The following VPS13B variants were observed in gnomAD, a reference collection of about 807,000 sequenced individuals.
VPS13B encodes vacuolar protein sorting 13 homolog B, also known as intermembrane lipid transfer protein VPS13B.
In VPS13B, 285 loss-of-function variants were observed where a neutral mutation model predicts 426.4. That is an observed-to-expected ratio of 0.67 (90% confidence interval 0.61 to 0.74). The LOEUF is 0.74. VPS13B is among the 30% of genes least tolerant of loss of function. VPS13B has a pLI of 0.00. For synonymous variants in VPS13B, 1,676 were observed against 1,676.4 expected, an observed-to-expected ratio of 1.00 and a Z score of 0.01; for missense variants, 4,537 against 4,782.6, an observed-to-expected ratio of 0.95 and a Z score of 1.51.
At chr8:99,016,540 C>G (rs572121638) in intron 2 of VPS13B, among the ~76,000 whole-genome samples, 81 of 120,668 alleles carry the variant, frequency 6.7e-4, no homozygotes, top group African/African-American at 2.4e-3. Context: ...AGTCTTTTTT[C>G]CTTTTTTAAA....
chr8:99,134,260 C>G (rs1159726525), intron 8 of VPS13B, among the ~76,000 whole-genome samples: 1 of 152,066 alleles, frequency 6.6e-6, no homozygotes, highest in Non-Finnish European at 1.5e-5. Context: ...ATGACTGAAA[C>G]TACACGTTGT....
intron 35 of VPS13B, among the ~76,000 whole-genome samples, chr8:99,665,892 CTATAAAT>C (rs1324257818): frequency 3.3e-5 from 5 of 152,120 alleles, no homozygotes; most frequent in African/African-American, 1.2e-4. Flanking sequence ...GGCATTAAAT[CTATAAAT>C]TACCTTGGGC....
intron 24 of VPS13B, among the ~76,000 whole-genome samples, chr8:99,476,588 A>G (rs1458698962): frequency 6.6e-6 from 1 of 152,168 alleles, no homozygotes; most frequent in Non-Finnish European, 1.5e-5. Flanking sequence ...AAATACATGT[A>G]TGATACCTTA....
chr8:99,458,091 C>T (rs1024352633), intron 23 of VPS13B, among the ~76,000 whole-genome samples: 5 of 146,622 alleles, frequency 3.4e-5, no homozygotes, highest in Non-Finnish European at 6.0e-5. Context: ...CAACAGGCCC[C>T]GGTGTGTGAT....
intron 21 of VPS13B, among the ~76,000 whole-genome samples, chr8:99,398,477 G>A (rs1464551580): frequency 6.6e-6 from 1 of 152,192 alleles, no homozygotes; most frequent in African/African-American, 2.4e-5. Flanking sequence ...AGGACCTTTA[G>A]TTGTTAAGGA....
chr8:99,744,824 G>T (rs1308648106), intron 39 of VPS13B, among the ~76,000 whole-genome samples: 1 of 151,482 alleles, frequency 6.6e-6, no homozygotes, highest in African/African-American at 2.4e-5. Flanking sequence ...CTGTTGTGGG[G>T]TGGGGGGAAG....
chr8:99,478,692 G>T (rs527616557), intron 24 of VPS13B, among the ~76,000 whole-genome samples: 1 of 151,134 alleles, frequency 6.6e-6, no homozygotes, highest in Non-Finnish European at 1.5e-5. Context: ...CAGGTGATCC[G>T]CCTGCCTTGG....
At chr8:99,216,607 A>T (rs926431632) in intron 17 of VPS13B, among the ~76,000 whole-genome samples, 2 of 151,562 alleles carry the variant, frequency 1.3e-5, no homozygotes, top group Non-Finnish European at 2.9e-5. Flanking sequence ...TGAGAATTAT[A>T]TATTTAATAA....
intron 19 of VPS13B, among the ~76,000 whole-genome samples, chr8:99,311,311 C>CT (rs1320465456): frequency 1.3e-5 from 2 of 152,160 alleles, no homozygotes; most frequent in African/African-American, 4.8e-5. Context: ...GCATTTAGTG[C>CT]TATAAATTTC....
At chr8:99,184,372 A>G (rs1813103983) in intron 16 of VPS13B, among the ~76,000 whole-genome samples, 1 of 152,150 alleles carries the variant, frequency 6.6e-6, no homozygotes, top group South Asian at 2.1e-4. Flanking sequence ...AGCCCTGCTG[A>G]CATTTGTTAT....
intron 31 of VPS13B, among the ~76,000 whole-genome samples, chr8:99,564,909 G>T (rs572848728): frequency 6.6e-6 from 1 of 152,138 alleles, no homozygotes; most frequent in Admixed American, 6.6e-5. Flanking sequence ...TCCATTGTTA[G>T]CTAATCACTT....
intron 31 of VPS13B, among the ~76,000 whole-genome samples, chr8:99,562,368 C>T (rs1226264342): frequency 1.3e-5 from 2 of 151,652 alleles, no homozygotes; most frequent in Admixed American, 6.6e-5. Context: ...GTAACCTCTG[C>T]CTCCTGGGTT....
intron 14 of VPS13B, among the ~76,000 whole-genome samples, chr8:99,151,325 T>C (rs1444819154): frequency 6.6e-6 from 1 of 152,184 alleles, no homozygotes; most frequent in Non-Finnish European, 1.5e-5. Context: ...AATCTGTGGC[T>C]TGTCTTTTAA....
intron 35 of VPS13B, among the ~76,000 whole-genome samples, chr8:99,690,821 G>A (rs953514144): frequency 6.6e-6 from 1 of 152,026 alleles, no homozygotes; most frequent in African/African-American, 2.4e-5. Context: ...AGTCCTTCAC[G>A]CTCACTAGGA....
intron 19 of VPS13B, among the ~76,000 whole-genome samples, chr8:99,348,738 T>C (rs1005641169): frequency 6.6e-6 from 1 of 152,186 alleles, no homozygotes; most frequent in Non-Finnish European, 1.5e-5. Flanking sequence ...AATGCCTTTA[T>C]TTTTCAGTAA....
chr8:99,122,521 C>G (rs1050441540), intron 8 of VPS13B, among the ~76,000 whole-genome samples: 6 of 152,080 alleles, frequency 3.9e-5, no homozygotes, highest in African/African-American at 7.2e-5. Context: ...TTTGATCCCC[C>G]ATGTGTTCTT....
At chr8:99,618,739 T>TCG (rs1182964425) in intron 33 of VPS13B, among the ~76,000 whole-genome samples, 4 of 152,244 alleles carry the variant, frequency 2.6e-5, no homozygotes, top group Non-Finnish European at 5.9e-5. Flanking sequence ...CTGAATATAA[T>TCG]CCTTTGACCT....
chr8:99,536,239 G>A (rs895758433), intron 30 of VPS13B, among the ~76,000 whole-genome samples: 11 of 152,176 alleles, frequency 7.2e-5, no homozygotes, highest in African/African-American at 2.4e-4. Flanking sequence ...GCCAGCCACC[G>A]TGCCCGGCCT....
intron 43 of VPS13B, among the ~76,000 whole-genome samples, chr8:99,799,346 T>C (rs1224974880): frequency 6.6e-6 from 1 of 152,222 alleles, no homozygotes; most frequent in African/African-American, 2.4e-5. Context: ...TAGTTCATGT[T>C]TGACTTGCTT....
Sources: gnomAD v4.1 joint callset for allele counts (sites outside exome capture counted in the v4.1 genomes callset) on GRCh38, gnomAD v4.1.1 for gene constraint, MANE v1.5 for transcripts, NCBI Gene and HGNC (gene_info 2026-07-23, HGNC 2026-07-21) for gene names.